The following GFRA1 variants were observed in gnomAD, a reference collection of about 807,000 sequenced individuals.
GFRA1 encodes the protein GDNF family receptor alpha-1.
Under a neutral mutation model 51.6 loss-of-function variants are expected in GFRA1, and 16 were observed. The observed-to-expected ratio is 0.31, with a 90% CI of 0.21 to 0.47. The LOEUF (loss-of-function observed/expected upper bound fraction) is 0.47. GFRA1 is among the 20% of genes least tolerant of loss of function. The pLI is 1.00. For synonymous variants in GFRA1, 270 were observed against 241.3 expected (o/e 1.12, Z -1.10); for missense variants, 530 against 594.3 (o/e 0.89, Z 1.13).
intron 5 of GFRA1, among the ~76,000 whole-genome samples, chr10:116,201,651 G>A (rs964873020): frequency 3.3e-5 from 5 of 152,126 alleles, no homozygotes; most frequent in African/African-American, 1.2e-4. Flanking sequence ...ACTGGAAGAG[G>A]ACAGCACCCA....
At chr10:116,271,771 G>A (rs971054411) in intron 2 of GFRA1, among the ~76,000 whole-genome samples, 11 of 152,162 alleles carry the variant, frequency 7.2e-5, no homozygotes, top group Admixed American at 7.2e-4. Context: ...AAAAACCACA[G>A]GAAATCAAAA....
chr10:116,085,612 C>T (rs1956068083), intron 9 of GFRA1, among the ~76,000 whole-genome samples: 1 of 152,176 alleles, frequency 6.6e-6, no homozygotes. Flanking sequence ...TGGGAGCCCT[C>T]CGCCCAGGCA....
rs141624740 is a variant in GFRA1, at chr10:116,088,601, G to A, written c.1197+1140C>T. ...ACAGCATCTCTCCTGCAGGCATCAGGAGGATAACACCCAAAGGGGTAAAGA... is the reference window on the plus strand; with the variant it reads ...ACAGCATCTCTCCTGCAGGCATCAGAAGGATAACACCCAAAGGGGTAAAGA... On this transcript the variant is annotated intron_variant, in intron 9 of 10. Coordinates refer to ENST00000355422, the MANE Select transcript of GFRA1 (RefSeq NM_005264.8). Among the ~76,000 whole-genome samples the A allele has an allele frequency of 3.1e-3, 473 of 152,224 alleles. 6 individuals carry two copies. Among genetic ancestry groups the A allele is most frequent in the African/African-American group, 9.9e-3 (413 of 41,538 alleles).
rs567738645 is a variant in GFRA1, at chr10:116,195,959, T to C, written c.433+15672A>G. Among the ~76,000 whole-genome samples, 3 of 152,262 alleles carry C rather than the reference T, an allele frequency of 2.0e-5. No individual in the cohort carries two copies. The South Asian group carries it at 6.2e-4, about 32-fold the overall frequency. ...ATCCTATCTCACAAGGTTAATTATTTTGACAAATATTTATTGAACACTCAT... is the reference window on the plus strand; with the variant it reads ...ATCCTATCTCACAAGGTTAATTATTCTGACAAATATTTATTGAACACTCAT... On this transcript the variant is annotated intron_variant, in intron 5 of 10. Coordinates refer to ENST00000355422, the MANE Select transcript of GFRA1 (RefSeq NM_005264.8).
chr10:116,064,606 T>C, intron 10 of GFRA1, 62 bp from the exon 11 acceptor site: 1 of 1,461,290 alleles, frequency 6.8e-7, no homozygotes, highest in Non-Finnish European at 9.6e-7. Flanking sequence ...ACAGTATACT[T>C]TACACTCTCT....
chr10:116,066,056 GTACCTCCTTC>G (rs1955097675), intron 9 of GFRA1, among the ~76,000 whole-genome samples: 2 of 152,290 alleles, frequency 1.3e-5, no homozygotes, highest in South Asian at 4.1e-4. Flanking sequence ...TTTTTGGGAA[GTACCTCCTTC>G]TAGGTAAAAA....
At chr10:116,115,885 T>A (rs1460797207) in intron 6 of GFRA1, among the ~76,000 whole-genome samples, 2 of 152,024 alleles carry the variant, frequency 1.3e-5, no homozygotes, top group African/African-American at 2.4e-5. Flanking sequence ...AGCAGAAGGG[T>A]TCTCTTTGAA....
chr10:116,103,697 C>T (rs994034270), intron 6 of GFRA1, among the ~76,000 whole-genome samples: 5 of 152,128 alleles, frequency 3.3e-5, no homozygotes, highest in African/African-American at 9.7e-5. Context: ...TAATATTAGA[C>T]CAGGAATGAA....
At chr10:116,090,138 A>G (rs1313820131) in intron 8 of GFRA1, among the ~76,000 whole-genome samples, 2 of 152,128 alleles carry the variant, frequency 1.3e-5, no homozygotes, top group African/African-American at 4.8e-5. Flanking sequence ...TGAGCTGGAC[A>G]CTTAGCTATG....
chr10:116,089,623 C>G lies in GFRA1; in HGVS notation c.1197+118G>C. ...GTGTTTAAAATGCAGTTTTGAGACT[C>G]AAACCCGAGCAGCATTCGTCATCTC... On this transcript the variant is annotated intron_variant, in intron 9 of 10. Transcript: ENST00000355422. 3 of 897,576 alleles carry G rather than the reference C, an allele frequency of 3.3e-6. No individual in the cohort carries two copies. The Admixed American group carries it at 5.1e-5, about 15-fold the overall frequency. 55.6% of individuals were successfully genotyped at this position (897,576 alleles called of 1,614,324 possible).
chr10:116,085,416 G>C (rs1365494320), intron 9 of GFRA1, among the ~76,000 whole-genome samples: 2 of 152,182 alleles, frequency 1.3e-5, no homozygotes, highest in South Asian at 2.1e-4. Context: ...GACTTTCTCT[G>C]AATCTGTTAC....
chr10:116,074,315 T>TA (rs1392109895), intron 9 of GFRA1, among the ~76,000 whole-genome samples: 1 of 152,168 alleles, frequency 6.6e-6, no homozygotes, highest in Admixed American at 6.5e-5. Flanking sequence ...TTATCTCCTA[T>TA]ATCTTACATC....
intron 6 of GFRA1, among the ~76,000 whole-genome samples, chr10:116,115,592 G>A (rs1175614046): frequency 1.3e-5 from 2 of 152,106 alleles, no homozygotes; most frequent in Admixed American, 1.3e-4. Flanking sequence ...CTGTAACTAA[G>A]GGGACAGATT....
chr10:116,104,022 G>A (rs1391781050), intron 6 of GFRA1, among the ~76,000 whole-genome samples: 1 of 152,180 alleles, frequency 6.6e-6, no homozygotes, highest in South Asian at 2.1e-4. Context: ...TCCCCACCTA[G>A]GACTGAGTGT....
chr10:116,117,049 G>GT (rs1303776814), intron 6 of GFRA1, among the ~76,000 whole-genome samples: 1 of 152,180 alleles, frequency 6.6e-6, no homozygotes, highest in African/African-American at 2.4e-5. Flanking sequence ...CAGAAACCAG[G>GT]TTTCAGAGTT....
At chr10:116,084,483 C>T (rs1384795460) in intron 9 of GFRA1, among the ~76,000 whole-genome samples, 1 of 152,132 alleles carries the variant, frequency 6.6e-6, no homozygotes, top group Non-Finnish European at 1.5e-5. Context: ...CCTCACCTAC[C>T]CTGCTCGCCC....
intron 9 of GFRA1, among the ~76,000 whole-genome samples, chr10:116,070,091 G>T (rs142194395): frequency 5.1e-4 from 77 of 152,230 alleles, no homozygotes; most frequent in Middle Eastern, 3.4e-3. Flanking sequence ...AAAACCAGGG[G>T]AAGTTGCCCA....
At chr10:116,096,631 C>G in intron 7 of GFRA1, 24 bp downstream of exon 7, 5 of 1,281,092 alleles carry the variant, frequency 3.9e-6, no homozygotes, top group Non-Finnish European at 5.7e-6. Context: ...ACTCTTCTCC[C>G]ATCCTGCTTC....
At chr10:116,079,847 C>A (rs1485244002) in intron 9 of GFRA1, among the ~76,000 whole-genome samples, 1 of 152,118 alleles carries the variant, frequency 6.6e-6, no homozygotes, top group African/African-American at 2.4e-5. Flanking sequence ...GCAGAGAATA[C>A]CAGGGGAAGC....
Sources: gnomAD v4.1 joint callset for allele counts (sites outside exome capture counted in the v4.1 genomes callset) on GRCh38, gnomAD v4.1.1 for gene constraint, MANE v1.5 for transcripts, NCBI Gene and HGNC (gene_info 2026-07-23, HGNC 2026-07-21) for gene names.